Variants in KLF8 observed in about 807,000 individuals in gnomAD.
The protein encoded by KLF8 is KLF transcription factor 8.
Under a neutral mutation model 18.2 loss-of-function variants are expected in KLF8, and 10 were observed. The ratio of observed to expected loss-of-function variants is 0.55; its 90% CI spans 0.34 to 0.93. KLF8 has a LOEUF of 0.93. Ranked by LOEUF, KLF8 falls within the 40% of genes least tolerant of loss-of-function variation. KLF8 has a pLI of 0.02. For missense variants in KLF8, 264 were observed against 277.9 expected, an observed-to-expected ratio of 0.95 and a Z score of 0.36; for synonymous variants, 109 against 97.3, an observed-to-expected ratio of 1.12 and a Z score of -0.71.
the KLF8 span, among the ~76,000 whole-genome samples, chrX:56,158,369 G>T: frequency 1.8e-4 from 20 of 111,795 alleles, no homozygotes; most frequent in South Asian, 7.4e-3. Flanking sequence ...ACTTGGCAAC[G>T]CGAGCTCTTT....
chrX:55,935,547 C>T, the KLF8 span, among the ~76,000 whole-genome samples: 1 of 111,994 alleles, frequency 8.9e-6, no homozygotes, highest in African/African-American at 3.2e-5. Flanking sequence ...TATCAAAAAA[C>T]AGAAACAACC....
At chrX:56,040,259 A>G in the KLF8 span, among the ~76,000 whole-genome samples, 1 of 111,452 alleles carries the variant, frequency 9.0e-6, no homozygotes, top group Non-Finnish European at 1.9e-5. Context: ...TTCCAATACT[A>G]TGTTGAATAG....
chrX:56,226,150 C>T, the KLF8 span, among the ~76,000 whole-genome samples: 1 of 111,784 alleles, frequency 8.9e-6, no homozygotes, highest in Non-Finnish European at 1.9e-5. Flanking sequence ...CTGCCATGGG[C>T]ACAGGAGGAG....
At chrX:56,181,400 G>A in the KLF8 span, among the ~76,000 whole-genome samples, 60 of 111,268 alleles carry the variant, frequency 5.4e-4, no homozygotes, top group African/African-American at 2.0e-3. Flanking sequence ...ACACTGATCG[G>A]TCTTGACTCT....
chrX:56,041,672 T>TGTTGTTGTG, the KLF8 span, among the ~76,000 whole-genome samples: 5 of 40,032 alleles, frequency 1.2e-4, no homozygotes, highest in African/African-American at 2.0e-4. Flanking sequence ...CTAGTTTTGT[T>TGTTGTTGTG]GTTGTTGTTG....
the KLF8 span, among the ~76,000 whole-genome samples, chrX:55,956,713 G>A: frequency 6.2e-5 from 7 of 112,046 alleles, no homozygotes; most frequent in Non-Finnish European, 1.3e-4. Flanking sequence ...CATCTTTGGA[G>A]AAATGTTTAT....
At chrX:55,927,287 G>A in the KLF8 span, among the ~76,000 whole-genome samples, 36 of 111,821 alleles carry the variant, frequency 3.2e-4, no homozygotes, top group African/African-American at 1.0e-3. Context: ...CAACTCCTCC[G>A]TTGTGACAAT....
the KLF8 span, among the ~76,000 whole-genome samples, chrX:55,937,521 G>A: frequency 1.2e-4 from 14 of 112,688 alleles, no homozygotes; most frequent in East Asian, 1.4e-3. Flanking sequence ...AAAGCTGGAC[G>A]GAGAATGACT....
chrX:56,065,958 G>C, the KLF8 span, among the ~76,000 whole-genome samples: 4 of 111,439 alleles, frequency 3.6e-5, no homozygotes. Flanking sequence ...GCCTAGTTTT[G>C]GGCCCCAATG....
intron 3 of KLF8, chrX:56,266,266 C>T (rs2147654353): frequency 1.3e-6 from 1 of 750,183 alleles, no homozygotes; most frequent in South Asian, 6.8e-5. Context: ...AATACTTTCC[C>T]TTTTCTCTTC....
At chrX:56,243,212 G>A (rs1380742820) in intron 1 of KLF8, 3 of 475,802 alleles carry the variant, frequency 6.3e-6, no homozygotes, top group African/African-American at 4.7e-5. Context: ...TCTCCTGGGG[G>A]CACTCCTCCG....
the KLF8 span, among the ~76,000 whole-genome samples, chrX:56,087,498 G>A: frequency 7.2e-5 from 8 of 110,572 alleles, no homozygotes; most frequent in African/African-American, 2.6e-4. Context: ...CTTTCACCAT[G>A]ATTGTATGTT....
At chrX:56,112,129 A>G in the KLF8 span, among the ~76,000 whole-genome samples, 1 of 112,205 alleles carries the variant, frequency 8.9e-6, no homozygotes, top group Non-Finnish European at 1.9e-5. Flanking sequence ...TGGTGCATAT[A>G]CACCATGGAA....
the KLF8 span, among the ~76,000 whole-genome samples, chrX:55,966,426 T>A: frequency 8.9e-6 from 1 of 112,118 alleles, no homozygotes; most frequent in African/African-American, 3.2e-5. Flanking sequence ...AGAGAGACTC[T>A]ATTTGGAAGA....
chrX:56,054,897 T>G, the KLF8 span, among the ~76,000 whole-genome samples: 4 of 112,137 alleles, frequency 3.6e-5, no homozygotes, highest in African/African-American at 1.3e-4. Flanking sequence ...GAAGTTAGGA[T>G]TACATTTTGT....
the KLF8 span, among the ~76,000 whole-genome samples, chrX:55,976,548 C>A: frequency 9.7e-6 from 1 of 102,725 alleles, no homozygotes; most frequent in East Asian, 3.2e-4. Context: ...ATTTTTAAGG[C>A]TAACTAGTAG....
At chrX:55,964,762 G>A in the KLF8 span, among the ~76,000 whole-genome samples, 1 of 111,720 alleles carries the variant, frequency 9.0e-6, no homozygotes, top group Non-Finnish European at 1.9e-5. Context: ...AACTACCAGA[G>A]ACTATTACAA....
intron 1 of KLF8, among the ~76,000 whole-genome samples, chrX:56,245,242 C>T (rs1208495962): frequency 8.9e-6 from 1 of 111,782 alleles, no homozygotes; most frequent in African/African-American, 3.3e-5. Flanking sequence ...GTTGTAGGTT[C>T]TAATGACTCT....
chrX:55,992,525 T>A, the KLF8 span, among the ~76,000 whole-genome samples: 1 of 111,984 alleles, frequency 8.9e-6, no homozygotes, highest in African/African-American at 3.2e-5. Context: ...TTAAGTCAGG[T>A]AGAGTGGTGC....
Sources: gnomAD v4.1 joint callset for allele counts (sites outside exome capture counted in the v4.1 genomes callset) on GRCh38, gnomAD v4.1.1 for gene constraint, MANE v1.5 for transcripts, NCBI Gene and HGNC (gene_info 2026-07-23, HGNC 2026-07-21) for gene names.